Variants in SNX20 observed in about 807,000 individuals in gnomAD.
The protein encoded by SNX20 is sorting nexin-20.
Under a neutral mutation model 24.5 loss-of-function variants are expected in SNX20, and 21 were observed. The ratio of observed to expected loss-of-function variants is 0.86; its 90% CI spans 0.61 to 1.23. SNX20 has a LOEUF of 1.23. SNX20 is among the 50% of genes most tolerant of loss of function. The pLI is 0.00. For synonymous variants in SNX20, 206 were observed against 192.8 expected, an observed-to-expected ratio of 1.07 and a Z score of -0.57; for missense variants, 433 against 430.8, an observed-to-expected ratio of 1.00 and a Z score of -0.04.
intron 1 of SNX20, among the ~76,000 whole-genome samples, chr16:50,679,155 G>T (rs1963244062): frequency 6.6e-6 from 1 of 152,214 alleles, no homozygotes; most frequent in Admixed American, 6.5e-5. Context: ...AGGTAGAGCT[G>T]GGACTTGAAC....
chr16:50,681,227 G>A lies in SNX20; in HGVS notation c.-47C>T, dbSNP rs895501982. On this transcript the variant is annotated 5_prime_UTR_variant, in exon 1 of 4. Coordinates refer to ENST00000330943, the MANE Select transcript of SNX20 (RefSeq NM_182854.4). ...GGGCTGTGTGTGTCCAGGGGTCCGG[G>A]AGGAGTGTCATATGGCCCCTTCGAG... The A allele has an allele frequency of 6.6e-6, 1 of 152,426 alleles. No homozygotes were observed. The highest frequency in any genetic ancestry group is 1.5e-5 in the Non-Finnish European group (1 of 68,132). 9.4% of individuals were successfully genotyped at this position (152,426 alleles called of 1,614,324 possible).
intron 2 of SNX20, among the ~76,000 whole-genome samples, chr16:50,676,368 T>C (rs1057074012): frequency 2.0e-5 from 3 of 152,070 alleles, no homozygotes; most frequent in Non-Finnish European, 4.4e-5. Context: ...GGATGTTATG[T>C]TCCAGCCTCA....
Position 50,672,910 on chromosome 16 carries a change from G to C in SNX20, c.*496C>G, listed in dbSNP as rs1277649733. ...CAGAGGCTTCCAAGGGGTCCCAGGA[G>C]CACCTCTGTCCAATACAGATGGAGA... is the stretch of plus-strand genomic sequence containing the variant. On this transcript the variant is annotated 3_prime_UTR_variant, in exon 4 of 4. Transcript: ENST00000330943. 1 of 152,194 alleles carries C rather than the reference G, an allele frequency of 6.6e-6. No homozygotes were observed. Among genetic ancestry groups the C allele is most frequent in the African/African-American group, 2.4e-5 (1 of 41,374 alleles). 9.4% of individuals were successfully genotyped at this position (152,194 alleles called of 1,614,324 possible). A position where few individuals can be genotyped will look rare whatever the true frequency, so the allele number is the denominator to read the frequency against.
chr16:50,668,415 G>C, downstream of SNX20: 1 of 846,836 alleles, frequency 1.2e-6, no homozygotes, highest in Non-Finnish European at 1.5e-6. Context: ...GGTAAAAGCG[G>C]GTTAGGGTGT....
In SNX20 at chr16:50,675,801, C is replaced by T. The variant is rs374083973; in HGVS notation, c.251G>A (p.Arg84His). The change falls in exon 3 of 4, where the codon CGC becomes CAC. Residue 84 changes from arginine (R) to histidine (H), a missense_variant. Coordinates refer to ENST00000330943, the MANE Select transcript of SNX20 (RefSeq NM_182854.4). ...CTTAGAGACTTTTCTCTCCTCGATG[C>T]GAGCTGAAGCGATCTCAAAGAGCAG... ...VKLLFEIASA[R>H]IEERKVSKFV... 9.9e-6 allele frequency: 16 copies of T among 1,613,200 alleles called. No homozygotes were observed. The highest frequency in any genetic ancestry group is 1.3e-5 in the African/African-American group (1 of 74,872).
intron 2 of SNX20, among the ~76,000 whole-genome samples, chr16:50,676,184 T>C (rs1160961929): frequency 6.6e-6 from 1 of 151,714 alleles, no homozygotes; most frequent in Non-Finnish European, 1.5e-5. Context: ...TGGAATGCGG[T>C]GCGGGCACTT....
At chr16:50,677,315 G>C (rs1258300175) in intron 2 of SNX20, 82 bp downstream of exon 2, 1 of 1,426,132 alleles carries the variant, frequency 7.0e-7, no homozygotes, top group African/African-American at 1.5e-5. Context: ...GCCTCTTGCT[G>C]CATCCCCCAA....
intron 2 of SNX20, among the ~76,000 whole-genome samples, chr16:50,676,768 G>T (rs933771354): frequency 1.3e-5 from 2 of 152,236 alleles, no homozygotes; most frequent in Non-Finnish European, 2.9e-5. Context: ...CAGGACTAGT[G>T]CAGTGTTTGA....
chr16:50,676,683 G>C (rs572781914), intron 2 of SNX20, among the ~76,000 whole-genome samples: 21 of 152,194 alleles, frequency 1.4e-4, no homozygotes, highest in Non-Finnish European at 2.8e-4. Context: ...TGTTCCTACA[G>C]GTTTTTCATT....
In SNX20 at chr16:50,678,974, AAATT is replaced by A. The variant is rs552973411; in HGVS notation, c.-9-1443_-9-1440del. ...AGAAATATTTGTGAAATAAATGACT[AAATT>A]AAGGTGGATTGGAATAGAATTACAA... On this transcript the variant is annotated intron_variant, in intron 1 of 3. Coordinates refer to ENST00000330943, the MANE Select transcript of SNX20 (RefSeq NM_182854.4). Among the ~76,000 whole-genome samples, 19 of 152,358 alleles carry A rather than the reference AAATT, an allele frequency of 1.2e-4. No individual in the cohort carries two copies. In the East Asian group the frequency reaches 3.3e-3, roughly 26 times the overall value.
chr16:50,677,956 C>A (rs1963221662), intron 1 of SNX20, among the ~76,000 whole-genome samples: 1 of 152,158 alleles, frequency 6.6e-6, no homozygotes, highest in African/African-American at 2.4e-5. Context: ...CCTGTAATCC[C>A]AGCGCTTTGG....
Position 50,672,128 on chromosome 16 carries a change from G to C in SNX20, c.*1278C>G, listed in dbSNP as rs369259053. On this transcript the variant is annotated 3_prime_UTR_variant, in exon 4 of 4. Coordinates refer to ENST00000330943, the MANE Select transcript of SNX20 (RefSeq NM_182854.4). ...CCAGATGCCCCTTCATTCTGGGCCT[G>C]TGGTGTCCTTTCCAGACAGCAGACC... The C allele has an allele frequency of 6.6e-6, 1 of 152,280 alleles. No individual in the cohort carries two copies. Among genetic ancestry groups the C allele is most frequent in the Non-Finnish European group, 1.5e-5 (1 of 68,074 alleles). 9.4% of individuals were successfully genotyped at this position (152,280 alleles called of 1,614,324 possible).
At chr16:50,669,499 G>T, downstream of SNX20, 1 of 201,484 alleles carries the variant, frequency 5.0e-6, no homozygotes, top group South Asian at 9.6e-5. Flanking sequence ...CTGCCCCCAT[G>T]AGCCAAACAT....
rs1472749361 is a variant in SNX20 at position 50,677,434 on chromosome 16, G to A, written c.93C>T (p.Gly31=). The part of the protein sequence containing the change: ...ARTQQEAPAT[G]PDLPHPGPDG... ...CAGGTCCTGGGTGCGGGAGGTCGGG[G>A]CCAGTGGCTGGTGCTTCCTGCTGGG... The change falls in exon 2 of 4, where the codon GGC becomes GGT. Residue 31 remains glycine, a synonymous_variant. Coordinates refer to ENST00000330943, the MANE Select transcript of SNX20 (RefSeq NM_182854.4). 1.2e-6 allele frequency: 2 copies of A among 1,609,200 alleles called. No homozygotes were observed. Among genetic ancestry groups the A allele is most frequent in the Admixed American group, 1.7e-5 (1 of 59,398 alleles).
intron 2 of SNX20, among the ~76,000 whole-genome samples, chr16:50,676,466 C>A (rs1030595358): frequency 6.6e-6 from 1 of 152,194 alleles, no homozygotes; most frequent in Non-Finnish European, 1.5e-5. Context: ...GCATCCAACC[C>A]TCTATTTCCA....
downstream of SNX20, chr16:50,669,243 A>G: frequency 1.4e-6 from 1 of 698,304 alleles, no homozygotes; most frequent in Non-Finnish European, 2.6e-6. Context: ...GCTTATAAAG[A>G]AAAGAGGGTT....
At chr16:50,667,692 C>T, downstream of SNX20, 1 of 375,138 alleles carries the variant, frequency 2.7e-6, no homozygotes, top group Non-Finnish European at 4.9e-6. Context: ...TTAGCCCTAC[C>T]AGCAGGTGGA....
downstream of SNX20, chr16:50,667,731 C>T: frequency 2.2e-6 from 1 of 457,710 alleles, no homozygotes; most frequent in South Asian, 3.6e-5. Flanking sequence ...AAACAGAGTT[C>T]TAGCTATGGG....
At chr16:50,668,160 T>C, downstream of SNX20, 5 of 1,540,860 alleles carry the variant, frequency 3.2e-6, no homozygotes, top group Non-Finnish European at 4.4e-6. Flanking sequence ...GGGAGCAAAG[T>C]CTCCAGGGTG....
Sources: gnomAD v4.1 joint callset for allele counts (sites outside exome capture counted in the v4.1 genomes callset) on GRCh38, gnomAD v4.1.1 for gene constraint, MANE v1.5 for transcripts, NCBI Gene and HGNC (gene_info 2026-07-23, HGNC 2026-07-21) for gene names.